Variants in STK3 observed in about 807,000 individuals in gnomAD.
STK3 encodes serine/threonine kinase 3, also known as serine/threonine-protein kinase 3.
In STK3, 41 loss-of-function variants were observed where a neutral mutation model predicts 58.0. The observed-to-expected ratio is 0.71, with a 90% confidence interval of 0.55 to 0.92. The LOEUF (loss-of-function observed/expected upper bound fraction) is 0.92. Among genes scored for constraint, STK3 ranks in the 40% least tolerant of loss-of-function variants. STK3 has a pLI of 0.00. For missense variants in STK3, 479 were observed against 602.7 expected (o/e 0.79, Z 2.15); for synonymous variants, 170 against 191.0 (o/e 0.89, Z 0.91).
chr8:98,589,134 C>T (rs1360625594), intron 7 of STK3, among the ~76,000 whole-genome samples: 5 of 152,204 alleles, frequency 3.3e-5, no homozygotes, highest in African/African-American at 1.2e-4. Context: ...TGTTCCGTTG[C>T]TGGTGAGGAA....
At chr8:98,528,177 C>T (rs1231289739) in intron 9 of STK3, among the ~76,000 whole-genome samples, 1 of 152,166 alleles carries the variant, frequency 6.6e-6, no homozygotes, top group African/African-American at 2.4e-5. Flanking sequence ...CCAAACTAGT[C>T]TCCTTGCTTC....
At chr8:98,761,068 T>A (rs941455787) in intron 3 of STK3, among the ~76,000 whole-genome samples, 1 of 151,862 alleles carries the variant, frequency 6.6e-6, no homozygotes, top group African/African-American at 2.4e-5. Context: ...CAACATCATA[T>A]AATTAAATAA....
At chr8:98,551,389 T>C (rs1811157211) in intron 8 of STK3, among the ~76,000 whole-genome samples, 1 of 152,138 alleles carries the variant, frequency 6.6e-6, no homozygotes, top group Admixed American at 6.6e-5. Context: ...AAGTGCTTCA[T>C]TCAGTATTCA....
At chr8:98,438,386 G>C (rs948107086) in intron 1 of STK3, 1 of 152,244 alleles carries the variant, frequency 6.6e-6, no homozygotes, top group African/African-American at 2.4e-5. Context: ...TTGATGCCTA[G>C]AAACTGGAAT....
At chr8:98,430,066 A>T (rs1220001890) in intron 3 of STK3, 1 of 167,114 alleles carries the variant, frequency 6.0e-6, no homozygotes, top group East Asian at 1.9e-4. Flanking sequence ...ACTGATGTTC[A>T]TCTCATAAAT....
At chr8:98,905,305 A>T (rs1279164235) in intron 1 of STK3, 1 of 849,304 alleles carries the variant, frequency 1.2e-6, no homozygotes, top group Non-Finnish European at 2.1e-6. Context: ...TCCTCTGACC[A>T]CTCCATGTGT....
chr8:98,426,906 CG>C (rs1818241063), intron 3 of STK3: 2 of 152,666 alleles, frequency 1.3e-5, no homozygotes, highest in Non-Finnish European at 2.9e-5. Flanking sequence ...GCGGCGGCTG[CG>C]CCTTCCGAGC....
At chr8:98,893,482 GAA>G (rs1564087217) in intron 1 of STK3, among the ~76,000 whole-genome samples, 18 of 56,438 alleles carry the variant, frequency 3.2e-4, no homozygotes, top group Admixed American at 1.2e-3. Context: ...AAGAAAGAAA[GAA>G]AGAGAAAGAA....
chr8:98,784,278 C>T (rs931451743), intron 1 of STK3, among the ~76,000 whole-genome samples: 2 of 152,234 alleles, frequency 1.3e-5, no homozygotes, highest in African/African-American at 4.8e-5. Context: ...TGGAGCAGGA[C>T]AGAGGTCTTC....
At chr8:98,714,627 A>G (rs1159221966) in intron 4 of STK3, among the ~76,000 whole-genome samples, 4 of 152,224 alleles carry the variant, frequency 2.6e-5, no homozygotes, top group Non-Finnish European at 4.4e-5. Context: ...TCAATGAAAT[A>G]AAAGAGGATA....
At chr8:98,637,884 CTAAG>C (rs1386069453) in intron 6 of STK3, among the ~76,000 whole-genome samples, 2 of 152,088 alleles carry the variant, frequency 1.3e-5, no homozygotes, top group Non-Finnish European at 2.9e-5. Flanking sequence ...ATATGACAAA[CTAAG>C]TAATAGAAAT....
chr8:98,926,198 G>A (rs1040925313), intron 1 of STK3, among the ~76,000 whole-genome samples: 3 of 152,180 alleles, frequency 2.0e-5, no homozygotes, highest in African/African-American at 7.2e-5. Context: ...GCTGATAAGG[G>A]TTGGGGGGAG....
intron 10 of STK3, among the ~76,000 whole-genome samples, chr8:98,459,844 A>G (rs1819809879): frequency 6.6e-6 from 1 of 152,190 alleles, no homozygotes; most frequent in Non-Finnish European, 1.5e-5. Flanking sequence ...CTCTACCTAG[A>G]CTTCAGAGGA....
At chr8:98,816,974 A>G (rs1834593061) in intron 1 of STK3, among the ~76,000 whole-genome samples, 1 of 152,234 alleles carries the variant, frequency 6.6e-6, no homozygotes, top group Non-Finnish European at 1.5e-5. Flanking sequence ...AGGGGTGATT[A>G]CAAAGGTATC....
At chr8:98,933,840 G>T (rs561002531) in intron 1 of STK3, among the ~76,000 whole-genome samples, 24 of 152,156 alleles carry the variant, frequency 1.6e-4, no homozygotes, top group Non-Finnish European at 2.8e-4. Flanking sequence ...TCTAGACTTG[G>T]AAGAGAGAAT....
intron 3 of STK3, among the ~76,000 whole-genome samples, chr8:98,424,229 C>A (rs562766321): frequency 6.6e-6 from 1 of 152,352 alleles, no homozygotes; most frequent in South Asian, 2.1e-4. Context: ...CTGATGTGCC[C>A]CACATTGGGC....
intron 2 of STK3, among the ~76,000 whole-genome samples, chr8:98,435,378 G>T (rs1229646329): frequency 6.6e-6 from 1 of 152,234 alleles, no homozygotes; most frequent in Non-Finnish European, 1.5e-5. Context: ...AGAAAAGCAA[G>T]GTGCAGATGG....
intron 4 of STK3, among the ~76,000 whole-genome samples, chr8:98,713,086 C>A (rs1002467959): frequency 1.3e-5 from 2 of 152,018 alleles, no homozygotes; most frequent in Non-Finnish European, 2.9e-5. Flanking sequence ...TTGAAACCAA[C>A]AAGAACAAAG....
At position 98,440,019 on chromosome 8, in the gene STK3, G is replaced by A. The variant is rs893728029; in HGVS notation, n.186-2811C>T. ...AGCTAGGACTTGCAGGGAGAGGAGGGATATCAGAGGGAGGATGTGCGTACT... is the reference window on the plus strand; with the variant it reads ...AGCTAGGACTTGCAGGGAGAGGAGGAATATCAGAGGGAGGATGTGCGTACT... On this transcript the variant is annotated intron_variant and non_coding_transcript_variant, in intron 1 of 3. Coordinates refer to the STK3 transcript ENST00000517832. Among the ~76,000 whole-genome samples the A allele has an allele frequency of 2.0e-5, 3 of 152,226 alleles. No individual in the cohort carries two copies. In the East Asian group the frequency reaches 5.8e-4, roughly 29 times the overall value.
Sources: allele counts gnomAD v4.1 joint callset (sites outside exome capture counted in the v4.1 genomes callset), GRCh38; gene constraint gnomAD v4.1.1; transcripts MANE v1.5; gene names NCBI Gene and HGNC (gene_info 2026-07-23, HGNC 2026-07-21).